Variants in YTHDC2 observed in about 807,000 individuals in gnomAD.
The protein encoded by YTHDC2 is YTH N6-methyladenosine RNA binding protein C2.
YTHDC2 carries 45 observed loss-of-function variants against 174.9 expected under a neutral mutation model. The ratio of observed to expected loss-of-function variants is 0.26; its 90% CI spans 0.20 to 0.33. YTHDC2 has a LOEUF of 0.33. Ranked by LOEUF, YTHDC2 falls within the 10% of genes least tolerant of loss-of-function variation. The pLI, the probability that YTHDC2 is intolerant of heterozygous loss-of-function variation, is 1.00. For missense variants in YTHDC2, 1,650 were observed against 1,723.7 expected (o/e 0.96, Z 0.76); for synonymous variants, 657 against 574.5 (o/e 1.14, Z -2.05).
chr5:113,526,148 A>G (rs963547234), intron 3 of YTHDC2, among the ~76,000 whole-genome samples: 2 of 152,080 alleles, frequency 1.3e-5, no homozygotes, highest in African/African-American at 4.8e-5. Flanking sequence ...AATGTACGTG[A>G]CAGATCTTAT....
At chr5:113,586,102 A>G (rs1778667976) in intron 26 of YTHDC2, among the ~76,000 whole-genome samples, 1 of 152,124 alleles carries the variant, frequency 6.6e-6, no homozygotes, top group Admixed American at 6.5e-5. Context: ...CCAAAATGAC[A>G]GCACTATTTT....
intron 12 of YTHDC2, 137 bp from the exon 13 acceptor site, chr5:113,553,043 AC>A: frequency 1.2e-6 from 1 of 867,396 alleles, no homozygotes; most frequent in Non-Finnish European, 1.6e-6. Context: ...TGAAATCAAA[AC>A]ATGAATCATA....
chr5:113,545,610 T>C (rs1775816818), intron 10 of YTHDC2, among the ~76,000 whole-genome samples: 1 of 152,094 alleles, frequency 6.6e-6, no homozygotes, highest in African/African-American at 2.4e-5. Flanking sequence ...CCAGGCTGGC[T>C]TTGAACTTCT....
At position 113,567,817 on chromosome 5, in the gene YTHDC2, G is replaced by A; in HGVS notation, c.3212G>A (p.Ser1071Asn). 6.3e-7 allele frequency: 1 copy of A among 1,582,690 alleles called. No individual in the cohort carries two copies. Among genetic ancestry groups the A allele is most frequent in the Non-Finnish European group, 8.6e-7 (1 of 1,164,606 alleles). Residue 1071 changes from serine (S) to asparagine (N), a missense_variant, in exon 23 of 30, where the codon AGT becomes AAT. Physicochemically the swap from Ser to Asn is conservative, Grantham distance 46 (BLOSUM62 1). Coordinates refer to ENST00000161863, the MANE Select transcript of YTHDC2 (RefSeq NM_022828.5). ...TTCTGTGGACCAGCTAGATTGGCAA[G>A]TAATGCTCTTCAGGAACCTTCATCC... ...LVFCGPARLASNALQEPSSFR... is the reference protein window; with the variant it reads ...LVFCGPARLANNALQEPSSFR...
chr5:113,561,952 TTGTGGG>T (rs899221142), intron 18 of YTHDC2, among the ~76,000 whole-genome samples: 1 of 102,534 alleles, frequency 9.8e-6, no homozygotes, highest in African/African-American at 4.3e-5. Context: ...CCTCTATTAA[TTGTGGG>T]TGTGTGTGTG....
At chr5:113,533,140 AG>A in intron 5 of YTHDC2, 95 bp downstream of exon 5, 1 of 1,412,650 alleles carries the variant, frequency 7.1e-7, no homozygotes, top group Non-Finnish European at 9.6e-7. Context: ...TTGAAAAGTT[AG>A]GTGATCATTT....
intron 26 of YTHDC2, among the ~76,000 whole-genome samples, chr5:113,586,247 C>T (rs1236220423): frequency 1.2e-4 from 18 of 151,912 alleles, no homozygotes; most frequent in Admixed American, 1.2e-3. Flanking sequence ...TTTGTATTTT[C>T]CCAGTTACTA....
At chr5:113,535,862 T>A in intron 7 of YTHDC2, 64 bp downstream of exon 7, 1 of 1,365,750 alleles carries the variant, frequency 7.3e-7, no homozygotes, top group South Asian at 1.5e-5. Flanking sequence ...ACATTATTTA[T>A]CCTAACAGAA....
intron 26 of YTHDC2, among the ~76,000 whole-genome samples, chr5:113,585,075 C>T (rs1372961818): frequency 1.3e-5 from 2 of 151,976 alleles, no homozygotes; most frequent in Non-Finnish European, 2.9e-5. Context: ...CCACCATGCC[C>T]AGCCCTTTAG....
intron 24 of YTHDC2, chr5:113,579,980 A>G (rs889373635): frequency 2.1e-6 from 2 of 962,874 alleles, no homozygotes; most frequent in Non-Finnish European, 2.5e-6. Context: ...TATTTCTCAC[A>G]GTTCTGAAGG....
chr5:113,581,281 ATG>A, intron 24 of YTHDC2, 134 bp from the exon 25 acceptor site: 1 of 753,322 alleles, frequency 1.3e-6, no homozygotes, highest in Non-Finnish European at 1.9e-6. Context: ...ATTAAAAATA[ATG>A]AAATTAGTAG....
rs370142016 is a variant in YTHDC2, at chr5:113,593,262, C to G, written c.4213-41C>G. On this transcript the variant is annotated intron_variant, in intron 28 of 29. Transcript: ENST00000161863. ...GTTTTGGTCATTAAAAATTTTCACTCCAGTTCTTTTTATGTTTATTTTGAC... is the reference window on the plus strand; with the variant it reads ...GTTTTGGTCATTAAAAATTTTCACTGCAGTTCTTTTTATGTTTATTTTGAC... 5.1e-5 allele frequency: 78 copies of G among 1,525,590 alleles called. 2 individuals are homozygous for G. The South Asian group carries it at 7.5e-4, about 15-fold the overall frequency. The allele number at this position is 1,525,590 out of a possible 1,614,324, so 94.5% of individuals were successfully genotyped here.
intron 26 of YTHDC2, among the ~76,000 whole-genome samples, chr5:113,588,985 T>G (rs1214537053): frequency 6.6e-6 from 1 of 152,158 alleles, no homozygotes; most frequent in Non-Finnish European, 1.5e-5. Context: ...ATACATTTTG[T>G]TTTTATATAA....
At chr5:113,557,236 A>G (rs1000649305) in intron 17 of YTHDC2, among the ~76,000 whole-genome samples, 7 of 152,176 alleles carry the variant, frequency 4.6e-5, no homozygotes, top group African/African-American at 1.7e-4. Context: ...TGTTTGGGTT[A>G]CTTTTTAATT....
At chr5:113,515,647 A>G (rs539916046) in intron 2 of YTHDC2, among the ~76,000 whole-genome samples, 1 of 152,296 alleles carries the variant, frequency 6.6e-6, no homozygotes, top group South Asian at 2.1e-4. Context: ...TTAGACTGAT[A>G]AAAGACATAT....
chr5:113,566,959 A>T, intron 21 of YTHDC2, 133 bp from the exon 22 acceptor site: 1 of 1,021,566 alleles, frequency 9.8e-7, no homozygotes, highest in African/African-American at 1.6e-5. Flanking sequence ...ACAACTTTCC[A>T]GAGGAGATTC....
intron 6 of YTHDC2, 144 bp downstream of exon 6, chr5:113,534,551 T>A (rs1774923133): frequency 1.8e-6 from 1 of 548,612 alleles, no homozygotes; most frequent in Admixed American, 2.9e-5. Context: ...CTTATTCTTT[T>A]GAACAGGCTG....
rs369871582 is a variant in YTHDC2 at position 113,561,537 on chromosome 5, C to T, written c.2322+352C>T. ...AGGCTAGAGTGCAGTGGCGCGATCTCGGCTCACTGCAACCTCCACCTCCCG... is the reference window on the plus strand; with the variant it reads ...AGGCTAGAGTGCAGTGGCGCGATCTTGGCTCACTGCAACCTCCACCTCCCG... On this transcript the variant is annotated intron_variant, in intron 18 of 29. Transcript: ENST00000161863. Among the ~76,000 whole-genome samples the T allele has an allele frequency of 4.0e-5, 6 of 150,494 alleles. No individual in the cohort carries two copies. The East Asian group carries it at 7.8e-4, about 20-fold the overall frequency.
chr5:113,546,062 C>T (rs185394869), intron 10 of YTHDC2, among the ~76,000 whole-genome samples: 1 of 152,192 alleles, frequency 6.6e-6, no homozygotes, highest in African/African-American at 2.4e-5. Context: ...TTAAAAGTAA[C>T]TTTTTGGATT....
Sources: allele counts gnomAD v4.1 joint callset (sites outside exome capture counted in the v4.1 genomes callset), GRCh38; gene constraint gnomAD v4.1.1; transcripts MANE v1.5; gene names NCBI Gene and HGNC (gene_info 2026-07-23, HGNC 2026-07-21).